Variants in PIBF1 observed in about 807,000 individuals in gnomAD.
PIBF1 encodes progesterone immunomodulatory binding factor 1.
Under a neutral mutation model 112.5 loss-of-function variants are expected in PIBF1, and 90 were observed. The ratio of observed to expected loss-of-function variants is 0.80; its 90% CI spans 0.67 to 0.95. The LOEUF (loss-of-function observed/expected upper bound fraction) is 0.95, where lower values mean the gene tolerates loss of function less well. Ranked by LOEUF, PIBF1 falls within the 40% of genes least tolerant of loss-of-function variation. The probability of loss-of-function intolerance (pLI) is 0.00; values close to 1 mark genes in which losing one functional copy is unlikely to be tolerated. For synonymous variants in PIBF1, 301 were observed against 288.6 expected (o/e 1.04, Z -0.44); for missense variants, 915 against 852.3 (o/e 1.07, Z -0.92).
intron 13 of PIBF1, among the ~76,000 whole-genome samples, chr13:72,923,979 TTAAA>T: frequency 6.6e-6 from 1 of 152,268 alleles, no homozygotes; most frequent in South Asian, 2.1e-4. Context: ...AAAAATTTTT[TTAAA>T]TAAAGATCTT....
chr13:72,959,748 G>A (rs1338053326), intron 14 of PIBF1, among the ~76,000 whole-genome samples: 1 of 151,974 alleles, frequency 6.6e-6, no homozygotes, highest in Non-Finnish European at 1.5e-5. Flanking sequence ...TTTTAATCAG[G>A]GGTTACTTTT....
chr13:72,880,575 A>G (rs1193126568), intron 10 of PIBF1, among the ~76,000 whole-genome samples: 2 of 152,222 alleles, frequency 1.3e-5, no homozygotes, highest in Admixed American at 1.3e-4. Context: ...GCTGAGACAC[A>G]GGTAGTAAAG....
rs756349431 is a variant in PIBF1 at position 72,893,826 on chromosome 13, A to G, written c.1365A>G (p.Glu455=). 2.4e-5 allele frequency: 39 copies of G among 1,605,346 alleles called. 1 individual carries two copies. The South Asian group carries it at 3.8e-4, about 16-fold the overall frequency. Reference sequence around the variant, plus strand: ...TTAGTACAGAAAGCAAAGTAACAGAATTTCTCCATCAAAGTAAATTAAAAT... The same window carrying G: ...TTAGTACAGAAAGCAAAGTAACAGAGTTTCTCCATCAAAGTAAATTAAAAT... ...LQLSTESKVT[E]FLHQSKLKSF... The change falls in exon 11 of 18, where the codon GAA becomes GAG. Residue 455 remains glutamate, a synonymous_variant. Coordinates refer to ENST00000326291, the MANE Select transcript of PIBF1 (RefSeq NM_006346.4).
chr13:73,001,123 A>C (rs1000432940), intron 17 of PIBF1, among the ~76,000 whole-genome samples: 3 of 152,210 alleles, frequency 2.0e-5, no homozygotes, highest in African/African-American at 7.2e-5. Flanking sequence ...AAATCATTAA[A>C]TGTTCTCAAT....
intron 5 of PIBF1, among the ~76,000 whole-genome samples, chr13:72,803,494 G>A (rs1365020712): frequency 1.3e-5 from 2 of 152,110 alleles, no homozygotes; most frequent in African/African-American, 2.4e-5. Flanking sequence ...CCAATAGTAT[G>A]TGTTTCTGTG....
At chr13:72,917,881 G>A (rs1005683564) in intron 13 of PIBF1, among the ~76,000 whole-genome samples, 17 of 152,124 alleles carry the variant, frequency 1.1e-4, no homozygotes, top group Admixed American at 9.8e-4. Context: ...GAGGATATGC[G>A]TAGGTTGTAT....
intron 9 of PIBF1, among the ~76,000 whole-genome samples, chr13:72,844,800 C>CACACACACACACACACACA (rs1285918910): frequency 7.4e-6 from 1 of 135,530 alleles, no homozygotes; most frequent in African/African-American, 2.7e-5. Flanking sequence ...CACACACACA[C>CACACACACACACACACACA]GGATGAAGTC....
chr13:73,010,756 T>A (rs2139058136), intron 17 of PIBF1, among the ~76,000 whole-genome samples: 1 of 150,330 alleles, frequency 6.7e-6, no homozygotes, highest in Non-Finnish European at 1.5e-5. Flanking sequence ...TTACTCTGAC[T>A]TTTCCTTATC....
Position 72,917,551 on chromosome 13 carries a change from A to G in PIBF1, c.1730+385A>G, listed in dbSNP as rs1362422274. Among the ~76,000 whole-genome samples the G allele has an allele frequency of 8.6e-5, 13 of 150,410 alleles. No individual in the cohort carries two copies. The Admixed American group carries it at 8.7e-4, about 10-fold the overall frequency. On this transcript the variant is annotated intron_variant, in intron 13 of 17. Transcript: ENST00000326291. ...ATTCCTTCACATACATGTTAGGGAG[A>G]GTGATTTGGAATTAATGCATATATT...
In PIBF1 at chr13:72,792,398, G is replaced by A. The variant is rs2034977967; in HGVS notation, c.253-49G>A. On this transcript the variant is annotated intron_variant, in intron 2 of 17. Coordinates refer to ENST00000326291, the MANE Select transcript of PIBF1 (RefSeq NM_006346.4). ...AAATATGTTTATTATGAAACTGAAA[G>A]TTTTTCTTTATGACAAATCATATAA... The A allele has an allele frequency of 8.6e-6, 10 of 1,162,276 alleles. No homozygotes were observed. The East Asian group carries it at 2.4e-4, about 28-fold the overall frequency. 72.0% of individuals were successfully genotyped at this position (1,162,276 alleles called of 1,614,324 possible). A position where few individuals can be genotyped will look rare whatever the true frequency, so the allele number is the denominator to read the frequency against.
At chr13:72,849,076 A>AT (rs1383546634) in intron 9 of PIBF1, among the ~76,000 whole-genome samples, 1 of 152,208 alleles carries the variant, frequency 6.6e-6, no homozygotes, top group Non-Finnish European at 1.5e-5. Flanking sequence ...TTTATTTAAG[A>AT]TTTATTTTCT....
chr13:72,910,981 T>C (rs924516312), intron 12 of PIBF1, among the ~76,000 whole-genome samples: 12 of 152,162 alleles, frequency 7.9e-5, no homozygotes, highest in African/African-American at 2.9e-4. Context: ...ATTTCATTCA[T>C]ATGGAGTGCA....
At chr13:72,848,846 A>G (rs2037997117) in intron 9 of PIBF1, among the ~76,000 whole-genome samples, 1 of 150,972 alleles carries the variant, frequency 6.6e-6, no homozygotes, top group Non-Finnish European at 1.5e-5. Context: ...AAAAAAAAAA[A>G]GAACTTAACT....
intron 6 of PIBF1, among the ~76,000 whole-genome samples, chr13:72,825,708 A>C (rs770766776): frequency 1.2e-3 from 185 of 152,310 alleles, no homozygotes; most frequent in Non-Finnish European, 2.0e-3. Flanking sequence ...AATATGACAA[A>C]GTAATATTTA....
intron 13 of PIBF1, among the ~76,000 whole-genome samples, chr13:72,930,176 G>A (rs773082909): frequency 6.6e-6 from 1 of 152,038 alleles, no homozygotes; most frequent in Non-Finnish European, 1.5e-5. Context: ...TTATTTTTTA[G>A]AATGTTGTCT....
At chr13:72,952,519 A>T (rs2042327543) in intron 14 of PIBF1, among the ~76,000 whole-genome samples, 1 of 151,502 alleles carries the variant, frequency 6.6e-6, no homozygotes, top group Non-Finnish European at 1.5e-5. Flanking sequence ...TGGGGGTGTT[A>T]TATAATCCCG....
intron 10 of PIBF1, among the ~76,000 whole-genome samples, chr13:72,893,279 G>A (rs2040132149): frequency 6.6e-6 from 1 of 152,072 alleles, no homozygotes; most frequent in South Asian, 2.1e-4. Flanking sequence ...TATCTTCACA[G>A]TTTGTACATT....
At chr13:72,858,448 G>A (rs1467186290) in intron 10 of PIBF1, among the ~76,000 whole-genome samples, 1 of 152,150 alleles carries the variant, frequency 6.6e-6, no homozygotes, top group Non-Finnish European at 1.5e-5. Flanking sequence ...CTTATTTACT[G>A]TAGCATAGTT....
intron 11 of PIBF1, among the ~76,000 whole-genome samples, chr13:72,902,641 G>A (rs367787387): frequency 3.3e-5 from 5 of 152,234 alleles, no homozygotes; most frequent in African/African-American, 1.2e-4. Context: ...GATGCATGTC[G>A]CAGCATTATT....
Sources: gnomAD v4.1 joint callset for allele counts (sites outside exome capture counted in the v4.1 genomes callset) on GRCh38, gnomAD v4.1.1 for gene constraint, MANE v1.5 for transcripts, NCBI Gene and HGNC (gene_info 2026-07-23, HGNC 2026-07-21) for gene names.